Variants in AKT1 observed in about 807,000 individuals in gnomAD.
The protein encoded by AKT1 is AKT serine/threonine kinase 1, also known as RAC-alpha serine/threonine-protein kinase.
Under a neutral mutation model 63.1 loss-of-function variants are expected in AKT1, and 21 were observed. The ratio of observed to expected loss-of-function variants is 0.33; its 90% CI spans 0.24 to 0.48. The LOEUF (loss-of-function observed/expected upper bound fraction) is 0.48. AKT1 is among the 20% of genes least tolerant of loss of function. The pLI is 0.99. For synonymous variants in AKT1, 257 were observed against 253.1 expected, an observed-to-expected ratio of 1.02 and a Z score of -0.15; for missense variants, 382 against 666.0, an observed-to-expected ratio of 0.57 and a Z score of 4.69.
At chr14:104,778,963 A>G (rs1403293136) in intron 4 of AKT1, among the ~76,000 whole-genome samples, 2 of 152,202 alleles carry the variant, frequency 1.3e-5, no homozygotes, top group Non-Finnish European at 2.9e-5. Context: ...CAGATGGCCC[A>G]CAACTGGGCC....
intron 3 of AKT1, among the ~76,000 whole-genome samples, chr14:104,788,431 T>C (rs904210034): frequency 4.3e-4 from 66 of 152,240 alleles, no homozygotes; most frequent in African/African-American, 1.5e-3. Context: ...GCAGCTGCTC[T>C]CTGGAGTGGG....
In AKT1 at chr14:104,770,412, T is replaced by C. The variant is rs1360782672; in HGVS notation, c.1372A>G (p.Met458Val). The part of the protein sequence containing the change: ...TITPPDQDDS[M>V]ECVDSERRPH... ...CTGCGCTCGCTGTCCACACACTCCATGCTGTCATCTGTGGGTGTAGACAGC... is the reference window on the plus strand; with the variant it reads ...CTGCGCTCGCTGTCCACACACTCCACGCTGTCATCTGTGGGTGTAGACAGC... Residue 458 changes from methionine to valine, a missense_variant, in exon 15 of 15, where the codon ATG becomes GTG. Physicochemically the swap from Met to Val is conservative, Grantham distance 21. Coordinates refer to ENST00000649815, the MANE Select transcript of AKT1 (RefSeq NM_001382430.1). 3 of 1,610,802 alleles carry C rather than the reference T, an allele frequency of 1.9e-6. No homozygotes were observed. Among genetic ancestry groups the C allele is most frequent in the Admixed American group, 3.3e-5 (2 of 59,802 alleles).
intron 4 of AKT1, chr14:104,777,303 G>GCACACCTGGGGCACAGC (rs1258358661): frequency 4.1e-5 from 5 of 121,978 alleles, no homozygotes; most frequent in Non-Finnish European, 6.3e-5. Context: ...TGGGGCACAG[G>GCACACCTGGGGCACAGC]CACACCTGGG....
chr14:104,776,998 A>T, intron 4 of AKT1: 2 of 509,880 alleles, frequency 3.9e-6, no homozygotes, highest in South Asian at 4.5e-5. Flanking sequence ...CACACAGGGC[A>T]TCTGGCCCGG....
rs546621555 is a variant in AKT1 at position 104,783,284 on chromosome 14, C to T, written c.47-3068G>A. On this transcript the variant is annotated intron_variant, in intron 3 of 14. Transcript: ENST00000649815. Reference sequence around the variant, plus strand: ...CAGGACTTAACTTGAGTTCCCCACCCTGTTGTGGTCCTCAGATGCCCCCCA... The same window carrying T: ...CAGGACTTAACTTGAGTTCCCCACCTTGTTGTGGTCCTCAGATGCCCCCCA... Among the ~76,000 whole-genome samples the T allele has an allele frequency of 2.6e-5, 4 of 152,280 alleles. No homozygotes were observed. In the South Asian group the frequency reaches 8.3e-4, roughly 32 times the overall value.
At chr14:104,770,695 T>C in intron 14 of AKT1, 50 bp downstream of exon 14, 1 of 1,509,866 alleles carries the variant, frequency 6.6e-7, no homozygotes, top group Non-Finnish European at 9.2e-7. Context: ...CAGGCCTCTC[T>C]GAGTGTGGAG....
Position 104,772,972 on chromosome 14 carries a change from G to A in AKT1, c.1078C>T (p.Leu360Phe), listed in dbSNP as rs2140901267. 1 of 1,614,170 alleles carries A rather than the reference G, an allele frequency of 6.2e-7. No individual in the cohort carries two copies. Among genetic ancestry groups the A allele is most frequent in the Middle Eastern group, 1.6e-4 (1 of 6,062 alleles). Residue 360 changes from leucine (L) to phenylalanine (F), a missense_variant, in exon 12 of 15, where the codon CTC (leucine) becomes TTC (phenylalanine). Physicochemically the swap from Leu to Phe is conservative, Grantham distance 22 (BLOSUM62 0). Transcript: ENST00000649815. ...AAGCGGATCTCCTCCATGAGGATGA[G>A]CTCAAAAAGCTTCTCATGGTCCTGG... The part of the protein sequence containing the change: ...YNQDHEKLFE[L>F]ILMEEIRFPR...
At chr14:104,785,292 C>A (rs1481046552) in intron 3 of AKT1, among the ~76,000 whole-genome samples, 1 of 152,196 alleles carries the variant, frequency 6.6e-6, no homozygotes, top group African/African-American at 2.4e-5. Flanking sequence ...GAGTACACAC[C>A]CCTTTACCAG....
chr14:104,790,232 C>T (rs972680485), intron 3 of AKT1, among the ~76,000 whole-genome samples: 3 of 152,182 alleles, frequency 2.0e-5, no homozygotes, highest in African/African-American at 7.2e-5. Context: ...GGGACAGGTG[C>T]GGGCCAGCCT....
Position 104,777,381 on chromosome 14 carries a change from G to A in AKT1, c.176-611C>T. 1.0e-5 allele frequency: 2 copies of A among 195,986 alleles called. 1 individual carries two copies. Among genetic ancestry groups the A allele is most frequent in the South Asian group, 1.9e-4 (2 of 10,730 alleles). The allele number at this position is 195,986 out of a possible 1,614,324, so 12.1% of individuals were successfully genotyped here. A position where few individuals can be genotyped will look rare whatever the true frequency, so the allele number is the denominator to read the frequency against. ...ACACTGGAGGCAAAGCCACACCTGG[G>A]GCACACGCACACCTGAGGCACACAC... On this transcript the variant is annotated intron_variant, in intron 4 of 14. Transcript: ENST00000649815.
At chr14:104,787,625 G>C (rs1308890771) in intron 3 of AKT1, among the ~76,000 whole-genome samples, 1 of 152,224 alleles carries the variant, frequency 6.6e-6, no homozygotes, top group Non-Finnish European at 1.5e-5. Flanking sequence ...ACCCGGCCAG[G>C]CTTCTCCTGA....
Position 104,774,979 on chromosome 14 carries a change from C to T in AKT1, c.592G>A (p.Glu198Lys). 1.2e-6 allele frequency: 2 copies of T among 1,613,028 alleles called. No individual in the cohort carries two copies. ...AKDEVAHTLT[E>K]NRVLQNSRHP... is the part of the protein sequence containing the mutation. ...CTGGAGTTCTGCAGGACGCGGTTCTCGGTGAGTGTGTGGGCCACCTCGTCC... is the reference window on the plus strand; with the variant it reads ...CTGGAGTTCTGCAGGACGCGGTTCTTGGTGAGTGTGTGGGCCACCTCGTCC... Residue 198 changes from glutamate (E) to lysine (K), a missense_variant, in exon 8 of 15, where the codon GAG becomes AAG. Around this residue, in one of 3 missense-constraint regions of AKT1, gnomAD observed 226 missense variants for 366.4 expected, o/e 0.62. Transcript: ENST00000649815.
chr14:104,773,204 G>A (rs1363795452), intron 11 of AKT1, 47 bp downstream of exon 11: 2 of 1,613,232 alleles, frequency 1.2e-6, no homozygotes, highest in Non-Finnish European at 1.7e-6. Flanking sequence ...CGTGTGCTCA[G>A]GACGTGGGGA....
chr14:104,776,919 T>C (rs1892749487), intron 4 of AKT1, 149 bp from the exon 5 acceptor site: 3 of 631,312 alleles, frequency 4.8e-6, no homozygotes, highest in Non-Finnish European at 8.2e-6. Context: ...AAGCCTCAGT[T>C]TCTCGCCTCA....
At chr14:104,777,416 ACG>A in intron 4 of AKT1, 1 of 504,974 alleles carries the variant, frequency 2.0e-6, no homozygotes, top group Non-Finnish European at 2.6e-6. Flanking sequence ...CCTGGGGCAC[ACG>A]CACACCTGGG....
chr14:104,775,631 A>G, intron 6 of AKT1, 21 bp downstream of exon 6: 1 of 1,609,640 alleles, frequency 6.2e-7, no homozygotes, highest in Non-Finnish European at 8.5e-7. Context: ...AGGCACAGGC[A>G]GAAGTGGGGA....
chr14:104,788,940 G>A (rs1055861297), intron 3 of AKT1, among the ~76,000 whole-genome samples: 2 of 152,192 alleles, frequency 1.3e-5, no homozygotes, highest in African/African-American at 4.8e-5. Context: ...ACACGGTCCC[G>A]TGTCACCCGG....
Position 104,795,520 on chromosome 14 carries a change from C to A in AKT1, c.-294G>T, listed in dbSNP as rs1379783886. Reference sequence around the variant, plus strand: ...GTCCGGGCGCGAGCGCGGGCCTAGCCGGGCCGCGGCCTCCGGCGCCCGCCG... The same window carrying A: ...GTCCGGGCGCGAGCGCGGGCCTAGCAGGGCCGCGGCCTCCGGCGCCCGCCG... On this transcript the variant is annotated 5_prime_UTR_variant, in exon 1 of 15. Coordinates refer to ENST00000649815, the MANE Select transcript of AKT1 (RefSeq NM_001382430.1). This position sits in a 1 kb window ranked among gnomAD's most constrained non-coding sequence, Gnocchi z 5.1. 2 of 145,794 alleles carry A rather than the reference C, an allele frequency of 1.4e-5. No individual in the cohort carries two copies. Among genetic ancestry groups the A allele is most frequent in the African/African-American group, 2.5e-5 (1 of 40,728 alleles). 9.0% of individuals were successfully genotyped at this position (145,794 alleles called of 1,614,324 possible).
intron 3 of AKT1, among the ~76,000 whole-genome samples, chr14:104,783,911 T>A (rs1893203500): frequency 6.6e-6 from 1 of 152,166 alleles, no homozygotes; most frequent in Non-Finnish European, 1.5e-5. Context: ...TTCAGAAATG[T>A]CAGCAAGTCC....
Sources: gnomAD v4.1 joint callset for allele counts (sites outside exome capture counted in the v4.1 genomes callset) on GRCh38, gnomAD v4.1.1 for gene constraint, gnomAD v4.1.1 regional missense constraint, Gnocchi (gnomAD v3.1) non-coding constraint, MANE v1.5 for transcripts, NCBI Gene and HGNC (gene_info 2026-07-23, HGNC 2026-07-21) for gene names.